The following RBM33 variants were observed in gnomAD, a reference collection of about 807,000 sequenced individuals.
RBM33 encodes the protein RNA binding motif protein 33, also known as RNA-binding protein 33.
A neutral mutation model predicts 132.6 loss-of-function variants in RBM33; 28 were observed. The ratio of observed to expected loss-of-function variants is 0.21; its 90% confidence interval spans 0.16 to 0.29. RBM33 has a LOEUF of 0.29. Among genes scored for constraint, RBM33 ranks in the 10% least tolerant of loss-of-function variants. The pLI, the probability that RBM33 is intolerant of heterozygous loss-of-function variation, is 1.00. For missense variants in RBM33, 1,291 were observed against 1,518.5 expected, an observed-to-expected ratio of 0.85 and a Z score of 2.49; for synonymous variants, 634 against 593.0, an observed-to-expected ratio of 1.07 and a Z score of -1.01.
chr7:155,690,045 G>A (rs1168236791), intron 5 of RBM33, among the ~76,000 whole-genome samples: 1 of 152,148 alleles, frequency 6.6e-6, no homozygotes, highest in East Asian at 1.9e-4. Context: ...CTGTCTCGTT[G>A]ATCTGTCTGA....
In RBM33 at chr7:155,646,769, C is replaced by T. The variant is rs187760058; in HGVS notation, c.43+1850C>T. ...GTTTATCTTAATTTGTAATTTTCTT[C>T]AGTTTTTACTTGTTTTTTAAATCTG... On this transcript the variant is annotated intron_variant, in intron 1 of 17. Coordinates refer to ENST00000401878, the MANE Select transcript of RBM33 (RefSeq NM_053043.3). Among the ~76,000 whole-genome samples, 230 of 152,254 alleles carry T rather than the reference C, an allele frequency of 1.5e-3. 2 individuals are homozygous for T. In the Middle Eastern group the frequency reaches 0.027, roughly 18 times the overall value.
At chr7:155,744,424 T>C (rs1180362468) in intron 13 of RBM33, among the ~76,000 whole-genome samples, 2 of 152,236 alleles carry the variant, frequency 1.3e-5, no homozygotes, top group African/African-American at 4.8e-5. Flanking sequence ...ATTTTGATTC[T>C]GAGGAGAGTG....
At chr7:155,645,956 A>G (rs1014209042) in intron 1 of RBM33, among the ~76,000 whole-genome samples, 1 of 152,216 alleles carries the variant, frequency 6.6e-6, no homozygotes, top group Non-Finnish European at 1.5e-5. Flanking sequence ...CGCTTCTGGC[A>G]ATTTGGTTTG....
intron 6 of RBM33, 54 bp downstream of exon 6, chr7:155,700,998 A>C: frequency 1.4e-6 from 2 of 1,417,864 alleles, no homozygotes; most frequent in Non-Finnish European, 2.0e-6. Context: ...AACTTCCTCC[A>C]TAGTATTGCT....
chr7:155,721,112 G>C (rs554234257), intron 9 of RBM33, among the ~76,000 whole-genome samples: 25 of 150,932 alleles, frequency 1.7e-4, no homozygotes, highest in Non-Finnish European at 3.1e-4. Flanking sequence ...TCCTAGGATA[G>C]GTAACATTCT....
intron 3 of RBM33, among the ~76,000 whole-genome samples, chr7:155,677,115 T>C (rs796481662): frequency 6.2e-4 from 94 of 152,302 alleles, no homozygotes; most frequent in African/African-American, 2.1e-3. Context: ...TAGGCCTGGC[T>C]CATAGCTCTC....
At chr7:155,681,046 T>C (rs1799324512) in intron 5 of RBM33, 138 bp downstream of exon 5, 3 of 678,212 alleles carry the variant, frequency 4.4e-6, no homozygotes, top group Non-Finnish European at 4.9e-6. Flanking sequence ...CCAGTTTCTT[T>C]ATCTGAGCTA....
At chr7:155,741,189 A>T (rs1801320139) in intron 12 of RBM33, among the ~76,000 whole-genome samples, 1 of 151,992 alleles carries the variant, frequency 6.6e-6, no homozygotes, top group African/African-American at 2.4e-5. Context: ...GGGATATTTG[A>T]CCTGCGGGAC....
intron 14 of RBM33, among the ~76,000 whole-genome samples, chr7:155,762,878 C>G (rs1359804688): frequency 6.6e-6 from 1 of 152,186 alleles, no homozygotes; most frequent in African/African-American, 2.4e-5. Flanking sequence ...TTTTCAAGTC[C>G]AAGCATCCAT....
chr7:155,714,497 CA>C (rs1470084478), intron 8 of RBM33, among the ~76,000 whole-genome samples: 1 of 152,168 alleles, frequency 6.6e-6, no homozygotes, highest in Non-Finnish European at 1.5e-5. Flanking sequence ...TGTGTTTATT[CA>C]GACTGGAGCT....
intron 14 of RBM33, among the ~76,000 whole-genome samples, chr7:155,753,480 C>T (rs889240543): frequency 2.6e-5 from 4 of 152,174 alleles, no homozygotes; most frequent in African/African-American, 7.2e-5. Flanking sequence ...CTGTTCTGGT[C>T]GCTTGATTTC....
intron 5 of RBM33, among the ~76,000 whole-genome samples, chr7:155,698,280 T>C (rs1160833913): frequency 6.6e-6 from 1 of 151,972 alleles, no homozygotes; most frequent in African/African-American, 2.4e-5. Flanking sequence ...AGCAGGAGAA[T>C]TGCTTGAACC....
chr7:155,672,934 T>A lies in RBM33; in HGVS notation c.171+19T>A. The A allele has an allele frequency of 2.0e-6, 3 of 1,510,586 alleles. No homozygotes were observed. Among genetic ancestry groups the A allele is most frequent in the Non-Finnish European group, 2.7e-6 (3 of 1,112,412 alleles). 93.6% of individuals were successfully genotyped at this position (1,510,586 alleles called of 1,614,324 possible). On this transcript the variant is annotated intron_variant, in intron 3 of 17. Transcript: ENST00000401878. Reference sequence around the variant, plus strand: ...CAAAAAGGTAAGAAGTTTATGTCCTTCTGAGATGAAATACTAGTCATTTAA... The same window carrying A: ...CAAAAAGGTAAGAAGTTTATGTCCTACTGAGATGAAATACTAGTCATTTAA...
At chr7:155,655,491 T>C (rs559592833) in intron 1 of RBM33, among the ~76,000 whole-genome samples, 1 of 151,486 alleles carries the variant, frequency 6.6e-6, no homozygotes, top group African/African-American at 2.4e-5. Context: ...TCAGAGTGTC[T>C]GTGAAGTCAG....
At chr7:155,659,916 A>T (rs992271281) in intron 1 of RBM33, among the ~76,000 whole-genome samples, 35 of 152,146 alleles carry the variant, frequency 2.3e-4, no homozygotes, top group Non-Finnish European at 4.9e-4. Flanking sequence ...ATGGCAGCAT[A>T]ACTCAAGTCT....
intron 2 of RBM33, among the ~76,000 whole-genome samples, chr7:155,665,960 T>G (rs1798789856): frequency 6.6e-6 from 1 of 152,180 alleles, no homozygotes; most frequent in Non-Finnish European, 1.5e-5. Flanking sequence ...GAAGCTGCAG[T>G]CAATTTGAAA....
intron 4 of RBM33, among the ~76,000 whole-genome samples, chr7:155,680,015 A>G (rs1207566483): frequency 6.6e-6 from 1 of 152,246 alleles, no homozygotes. Flanking sequence ...TGTGACTAAT[A>G]TAAATTTATT....
chr7:155,752,857 A>G (rs1011555667), intron 14 of RBM33, among the ~76,000 whole-genome samples: 2 of 152,022 alleles, frequency 1.3e-5, no homozygotes, highest in Admixed American at 1.3e-4. Flanking sequence ...TCCCACGCAC[A>G]CTGGTTCGTC....
chr7:155,772,223 G>A (rs966020255), intron 16 of RBM33, among the ~76,000 whole-genome samples: 7 of 152,150 alleles, frequency 4.6e-5, no homozygotes, highest in Admixed American at 3.9e-4. Flanking sequence ...CCGGAAGAAC[G>A]GAGAGAACCC....
Sources: allele counts gnomAD v4.1 joint callset (sites outside exome capture counted in the v4.1 genomes callset), GRCh38; gene constraint gnomAD v4.1.1; transcripts MANE v1.5; gene names NCBI Gene and HGNC (gene_info 2026-07-23, HGNC 2026-07-21).